EMC3: variants seen among roughly 807,000 people sequenced by gnomAD.
EMC3 encodes ER membrane protein complex subunit 3, also known as 30 kDa protein.
A neutral mutation model predicts 36.6 loss-of-function variants in EMC3; 13 were observed. The observed-to-expected ratio is 0.35, with a 90% CI of 0.23 to 0.56. EMC3 has a LOEUF of 0.56. Among genes scored for constraint, EMC3 ranks in the 20% least tolerant of loss-of-function variants. EMC3 has a pLI of 0.84. For synonymous variants in EMC3, 120 were observed against 111.9 expected (o/e 1.07, Z -0.46); for missense variants, 220 against 324.5 (o/e 0.68, Z 2.47).
intron 5 of EMC3, among the ~76,000 whole-genome samples, chr3:9,971,939 C>A (rs1167105738): frequency 6.6e-6 from 1 of 152,146 alleles, no homozygotes; most frequent in Non-Finnish European, 1.5e-5. Flanking sequence ...CATGAAGCAG[C>A]ATTACTAGGT....
chr3:9,977,101 A>T lies in EMC3; in HGVS notation c.214-51T>A. ...TAAGTCTAAGAACTATGACACAGCA[A>T]ACTGTTAAATTACTCCCCAGTGGCT... On this transcript the variant is annotated intron_variant, in intron 2 of 7. Coordinates refer to ENST00000245046, the MANE Select transcript of EMC3 (RefSeq NM_001394674.1). 2 of 1,398,978 alleles carry T rather than the reference A, an allele frequency of 1.4e-6. 1 individual carries two copies. The highest frequency in any genetic ancestry group is 2.0e-6 in the Non-Finnish European group (2 of 1,002,020). The allele number at this position is 1,398,978 out of a possible 1,614,324, so 86.7% of individuals were successfully genotyped here.
chr3:10,005,466 T>C (rs1007710389), intron 1 of EMC3, among the ~76,000 whole-genome samples: 1 of 152,188 alleles, frequency 6.6e-6, no homozygotes, highest in Non-Finnish European at 1.5e-5. Context: ...AGTGTCATAC[T>C]GTATTTCAGG....
intron 1 of EMC3, chr3:10,006,811 G>C (rs887104796): frequency 4.8e-6 from 2 of 418,516 alleles, no homozygotes; most frequent in Admixed American, 3.0e-5. Flanking sequence ...ATTTAGATTG[G>C]AGAGGACGAA....
rs189523886 is a variant in EMC3 at position 9,972,264 on chromosome 3, C to T, written c.494+1364G>A. On this transcript the variant is annotated intron_variant, in intron 5 of 7. Coordinates refer to ENST00000245046, the MANE Select transcript of EMC3 (RefSeq NM_001394674.1). ...AAATACAAACTTCCACTCCCATAAGCTCAAGGGTATTACTAAAAATGATTG... is the reference window on the plus strand; with the variant it reads ...AAATACAAACTTCCACTCCCATAAGTTCAAGGGTATTACTAAAAATGATTG... 7.9e-5 allele frequency among the ~76,000 whole-genome samples: 12 copies of T among 151,934 alleles called. No homozygotes were observed. In the East Asian group the frequency reaches 2.3e-3, roughly 29 times the overall value.
intron 1 of EMC3, chr3:10,007,637 G>T: frequency 1.5e-6 from 2 of 1,361,184 alleles, no homozygotes; most frequent in Non-Finnish European, 2.0e-6. Flanking sequence ...AGGGATGGAG[G>T]GGGTGGTGGG....
At chr3:9,976,748 C>T (rs1441658338) in intron 3 of EMC3, among the ~76,000 whole-genome samples, 3 of 152,124 alleles carry the variant, frequency 2.0e-5, no homozygotes, top group African/African-American at 7.2e-5. Flanking sequence ...TTTTAATCCA[C>T]TTTATACATT....
chr3:9,969,520 G>A, intron 7 of EMC3, 199 bp downstream of exon 7: 1 of 1,461,234 alleles, frequency 6.8e-7, no homozygotes, highest in Non-Finnish European at 9.0e-7. Flanking sequence ...TTAAAAACCA[G>A]TAAAAGCACC....
intron 7 of EMC3, among the ~76,000 whole-genome samples, chr3:9,968,054 T>A (rs2124899745): frequency 6.6e-6 from 1 of 152,350 alleles, no homozygotes; most frequent in South Asian, 2.1e-4. Flanking sequence ...CCCGAGTAGC[T>A]GGGACTACAG....
intron 1 of EMC3, chr3:9,994,039 T>C: frequency 1.8e-6 from 2 of 1,140,090 alleles, no homozygotes; most frequent in Non-Finnish European, 2.6e-6. Context: ...GAAGGATTAT[T>C]CTGTGTAAAA....
intron 1 of EMC3, chr3:10,000,664 A>G (rs1337251543): frequency 2.1e-6 from 1 of 478,968 alleles, no homozygotes; most frequent in Non-Finnish European, 4.2e-6. Context: ...CTTTTTTAAG[A>G]TAAGCTATCA....
At chr3:9,973,042 A>G (rs1385817783) in intron 5 of EMC3, among the ~76,000 whole-genome samples, 1 of 151,344 alleles carries the variant, frequency 6.6e-6, no homozygotes, top group South Asian at 2.1e-4. Context: ...GTTAGCCAGG[A>G]TGGTCTCAAT....
intron 1 of EMC3, chr3:9,992,857 A>C: frequency 1.4e-6 from 2 of 1,401,752 alleles, no homozygotes; most frequent in South Asian, 1.2e-5. Flanking sequence ...CTGTTTTTCT[A>C]TTATTGCATA....
At chr3:9,976,280 A>AT (rs1424171076) in intron 3 of EMC3, among the ~76,000 whole-genome samples, 1 of 151,924 alleles carries the variant, frequency 6.6e-6, no homozygotes, top group Non-Finnish European at 1.5e-5. Flanking sequence ...TAATTTTTGT[A>AT]TTTTTAGTAG....
At chr3:9,965,178 A>T (rs918692955) in intron 7 of EMC3, among the ~76,000 whole-genome samples, 1 of 151,816 alleles carries the variant, frequency 6.6e-6, no homozygotes, top group Non-Finnish European at 1.5e-5. Flanking sequence ...AGGCCAAGGC[A>T]GGAGGATCAC....
chr3:10,006,791 GTC>G (rs752231956), intron 1 of EMC3: 14 of 399,778 alleles, frequency 3.5e-5, no homozygotes, highest in East Asian at 7.9e-5. Context: ...CATGTCAAAT[GTC>G]TCTCTGCATT....
At chr3:9,982,593 T>C (rs983222620) in intron 1 of EMC3, among the ~76,000 whole-genome samples, 3 of 152,124 alleles carry the variant, frequency 2.0e-5, no homozygotes, top group African/African-American at 7.2e-5. Context: ...AAATGTTTTA[T>C]ATCGCTGGGT....
chr3:10,008,577 G>A, intron 1 of EMC3: 2 of 721,772 alleles, frequency 2.8e-6, no homozygotes, highest in Non-Finnish European at 4.4e-6. Context: ...TCAGATAGTG[G>A]GGGGTGGGTT....
upstream of EMC3, among the ~76,000 whole-genome samples, chr3:9,990,086 G>A (rs1005220033): frequency 2.0e-5 from 3 of 150,764 alleles, no homozygotes; most frequent in Admixed American, 6.6e-5. Context: ...AGGCAGTGGC[G>A]CAATCTCAGC....
intron 1 of EMC3, chr3:9,978,334 TAA>T (rs1466742091): frequency 2.0e-5 from 3 of 151,672 alleles, no homozygotes; most frequent in Admixed American, 2.0e-4. Context: ...ACCCTGTCTC[TAA>T]CAACAAAAAA....
Sources: gnomAD v4.1 joint callset for allele counts (sites outside exome capture counted in the v4.1 genomes callset) on GRCh38, gnomAD v4.1.1 for gene constraint, MANE v1.5 for transcripts, NCBI Gene and HGNC (gene_info 2026-07-23, HGNC 2026-07-21) for gene names.